Variants in GARNL3 observed in about 807,000 individuals in gnomAD.
GARNL3 encodes the protein GTPase-activating Rap/Ran-GAP domain-like protein 3.
GARNL3 carries 63 observed loss-of-function variants against 125.0 expected under a neutral mutation model. The ratio of observed to expected loss-of-function variants is 0.50; its 90% confidence interval spans 0.41 to 0.62. The LOEUF is 0.62. Among genes scored for constraint, GARNL3 ranks in the 20% least tolerant of loss-of-function variants. The pLI, the probability that GARNL3 is intolerant of heterozygous loss-of-function variation, is 0.00. For missense variants in GARNL3, 994 were observed against 1,244.0 expected, an observed-to-expected ratio of 0.80 and a Z score of 3.02; for synonymous variants, 439 against 457.5, an observed-to-expected ratio of 0.96 and a Z score of 0.52.
chr9:127,337,695 G>A (rs778464285), intron 11 of GARNL3, among the ~76,000 whole-genome samples: 8 of 152,204 alleles, frequency 5.3e-5, no homozygotes, highest in Non-Finnish European at 7.3e-5. Context: ...GAAAGGGAAG[G>A]TATACAGCGG....
At chr9:127,369,091 C>G (rs950301706) in intron 22 of GARNL3, 1 of 147,456 alleles carries the variant, frequency 6.8e-6, no homozygotes, top group Non-Finnish European at 1.5e-5. Flanking sequence ...GTTTACACTA[C>G]TGCTTTTTTA....
chr9:127,313,472 G>A lies in GARNL3; in HGVS notation c.351G>A (p.Glu117=), dbSNP rs2065150519. 6.2e-7 allele frequency: 1 copy of A among 1,614,032 alleles called. No individual in the cohort carries two copies. The highest frequency in any genetic ancestry group is 8.5e-7 in the Non-Finnish European group (1 of 1,179,888). Residue 117 remains glutamate (E), a synonymous_variant, in exon 4 of 28, where the codon GAG becomes GAA. Transcript: ENST00000373387. ...VHQNYIGNDA[E]KSPFFLSVTL... ...AGAACTACATTGGAAACGATGCCGA[G>A]AAGAGCCCTTTCTTCTTGTCCGTGA...
intron 23 of GARNL3, among the ~76,000 whole-genome samples, chr9:127,383,828 C>A (rs925143090): frequency 1.3e-5 from 2 of 152,152 alleles, no homozygotes; most frequent in African/African-American, 4.8e-5. Flanking sequence ...CATTTCAGCA[C>A]CTCAGTTCAT....
intron 2 of GARNL3, among the ~76,000 whole-genome samples, chr9:127,309,884 G>A (rs1564905438): frequency 6.6e-6 from 1 of 152,196 alleles, no homozygotes. Flanking sequence ...CAAAGTCAGA[G>A]AGTATGTTCC....
Position 127,238,561 on chromosome 9 carries a change from T to C in GARNL3, c.-28-4518T>C, listed in dbSNP as rs181465831. 3.9e-5 allele frequency among the ~76,000 whole-genome samples: 6 copies of C among 152,262 alleles called. No homozygotes were observed. The East Asian group carries it at 7.7e-4, about 20-fold the overall frequency. ...AAACCACATACATACAAAAACACTT[T>C]CCATAGGAGAACTGCTCAGGGATAC... On this transcript the variant is annotated intron_variant, in intron 1 of 10. Transcript: ENST00000439286.
intron 2 of GARNL3, among the ~76,000 whole-genome samples, chr9:127,294,877 C>T (rs2064539402): frequency 6.6e-6 from 1 of 152,144 alleles, no homozygotes; most frequent in South Asian, 2.1e-4. Flanking sequence ...CATCAGTAAC[C>T]AATACAAACA....
chr9:127,379,144 T>G (rs1311184169), intron 22 of GARNL3, among the ~76,000 whole-genome samples: 3 of 152,204 alleles, frequency 2.0e-5, no homozygotes, highest in African/African-American at 7.2e-5. Flanking sequence ...ATAGGGTGAA[T>G]GCAGAAGCAA....
intron 2 of GARNL3, among the ~76,000 whole-genome samples, chr9:127,293,372 T>C (rs896978503): frequency 6.6e-6 from 1 of 152,238 alleles, no homozygotes. Flanking sequence ...ACTTATCAGA[T>C]ATATGATTGG....
At position 127,393,065 on chromosome 9, in the gene GARNL3, G is replaced by A; in HGVS notation, c.2871-18G>A. ...TGGTACTCCCAAAGATCCTCTTACA[G>A]TGACTTTTCTCTTCTAGGATCCCAT... On this transcript the variant is annotated intron_variant, in intron 27 of 27. Transcript: ENST00000373387. The A allele has an allele frequency of 6.3e-7, 1 of 1,579,518 alleles. No homozygotes were observed. Among genetic ancestry groups the A allele is most frequent in the Non-Finnish European group, 8.7e-7 (1 of 1,154,008 alleles).
chr9:127,293,253 T>C (rs1258203133), intron 2 of GARNL3, among the ~76,000 whole-genome samples: 3 of 152,234 alleles, frequency 2.0e-5, no homozygotes, highest in African/African-American at 7.2e-5. Context: ...TATAGTTGCT[T>C]AAAAATTCTC....
intron 23 of GARNL3, among the ~76,000 whole-genome samples, chr9:127,383,906 C>T (rs915912470): frequency 2.6e-5 from 4 of 152,178 alleles, no homozygotes; most frequent in African/African-American, 9.7e-5. Flanking sequence ...TGCTGACTGA[C>T]CTCGGGGAGA....
chr9:127,346,466 C>T (rs535965876), intron 16 of GARNL3, among the ~76,000 whole-genome samples: 1 of 152,310 alleles, frequency 6.6e-6, no homozygotes, highest in East Asian at 1.9e-4. Context: ...GAAAAGCATC[C>T]TTCCCAAAGG....
intron 7 of GARNL3, 76 bp from the exon 8 acceptor site, chr9:127,332,198 C>A: frequency 9.3e-7 from 1 of 1,077,392 alleles, no homozygotes; most frequent in Non-Finnish European, 1.4e-6. Flanking sequence ...TGTGCTAAGT[C>A]ACGAACAGCC....
intron 1 of GARNL3, 79 bp downstream of exon 1, chr9:127,265,100 T>C: frequency 7.6e-7 from 1 of 1,308,928 alleles, no homozygotes; most frequent in Non-Finnish European, 1.1e-6. Flanking sequence ...AGATCTTTTG[T>C]TGTATATTTA....
intron 7 of GARNL3, among the ~76,000 whole-genome samples, chr9:127,327,091 CG>C (rs1404847429): frequency 2.0e-5 from 3 of 152,172 alleles, no homozygotes; most frequent in East Asian, 1.9e-4. Context: ...ACATTATTTA[CG>C]TATAATCCCA....
chr9:127,383,175 G>A (rs1832360927), intron 22 of GARNL3, among the ~76,000 whole-genome samples: 1 of 152,172 alleles, frequency 6.6e-6, no homozygotes, highest in Non-Finnish European at 1.5e-5. Context: ...CAGATTAAAT[G>A]GGATAATGGC....
chr9:127,225,824 T>C (rs555830118), intron 1 of GARNL3, among the ~76,000 whole-genome samples: 182 of 8,872 alleles, frequency 0.021, 1 homozygote, highest in East Asian at 0.096. Context: ...TCGCGCCCCT[T>C]GCGCCCCTCG....
chr9:127,327,122 A>G (rs1162635316), intron 7 of GARNL3, among the ~76,000 whole-genome samples: 3 of 152,222 alleles, frequency 2.0e-5, no homozygotes, highest in African/African-American at 7.2e-5. Context: ...TTATAAACAA[A>G]TATTTTTATG....
chr9:127,322,565 G>C (rs1298898433), intron 6 of GARNL3, among the ~76,000 whole-genome samples: 1 of 152,132 alleles, frequency 6.6e-6, no homozygotes, highest in African/African-American at 2.4e-5. Flanking sequence ...CTTGTCCTCT[G>C]TGTGTGTGAG....
Sources: allele counts gnomAD v4.1 joint callset (sites outside exome capture counted in the v4.1 genomes callset), GRCh38; gene constraint gnomAD v4.1.1; transcripts MANE v1.5; gene names NCBI Gene and HGNC (gene_info 2026-07-23, HGNC 2026-07-21).